CALN1: variants seen among roughly 807,000 people sequenced by gnomAD.
CALN1 encodes calneuron 1, also known as calcium-binding protein 8.
CALN1 carries 17 observed loss-of-function variants against 30.6 expected under a neutral mutation model. The observed-to-expected ratio is 0.56, with a 90% CI of 0.38 to 0.83. The LOEUF (loss-of-function observed/expected upper bound fraction) is 0.83. Among genes scored for constraint, CALN1 ranks in the 40% least tolerant of loss-of-function variants. The pLI, the probability that CALN1 is intolerant of heterozygous loss-of-function variation, is 0.00. For missense variants in CALN1, 291 were observed against 354.9 expected, an observed-to-expected ratio of 0.82 and a Z score of 1.45; for synonymous variants, 156 against 131.4, an observed-to-expected ratio of 1.19 and a Z score of -1.28.
intron 4 of CALN1, among the ~76,000 whole-genome samples, chr7:72,096,638 G>A (rs1159649823): frequency 6.6e-6 from 1 of 152,186 alleles, no homozygotes; most frequent in African/African-American, 2.4e-5. Flanking sequence ...CATTTGCAAA[G>A]CTAGCTGGAT....
At chr7:72,411,965 A>G (rs929993000) in intron 1 of CALN1, 93 bp downstream of exon 1, 1 of 152,224 alleles carries the variant, frequency 6.6e-6, no homozygotes, top group African/African-American at 2.4e-5. Context: ...ACTTGTCTCC[A>G]GACTATGAAA....
chr7:71,907,371 G>A (rs1794197235), intron 5 of CALN1, among the ~76,000 whole-genome samples: 1 of 152,192 alleles, frequency 6.6e-6, no homozygotes, highest in East Asian at 1.9e-4. Flanking sequence ...CAAACCAGAA[G>A]GACAAATTGG....
intron 2 of CALN1, among the ~76,000 whole-genome samples, chr7:72,357,156 T>G (rs1803283349): frequency 6.6e-6 from 1 of 151,992 alleles, no homozygotes. Context: ...CAAGGAATAC[T>G]TGCCAGATAG....
intron 5 of CALN1, among the ~76,000 whole-genome samples, chr7:71,985,764 A>G (rs1255444285): frequency 6.6e-6 from 1 of 151,044 alleles, no homozygotes; most frequent in East Asian, 2.0e-4. Flanking sequence ...TAATTTTTGT[A>G]TTTTTGATAG....
At chr7:72,295,229 G>A (rs1046655801) in intron 2 of CALN1, among the ~76,000 whole-genome samples, 1 of 151,960 alleles carries the variant, frequency 6.6e-6, no homozygotes, top group African/African-American at 2.4e-5. Context: ...TATTTCCTAG[G>A]TCAATGTTTA....
intron 5 of CALN1, among the ~76,000 whole-genome samples, chr7:71,857,962 T>A (rs1424780688): frequency 1.3e-5 from 2 of 152,178 alleles, no homozygotes; most frequent in African/African-American, 4.8e-5. Context: ...TCCTGGCACT[T>A]AAGAAATCAG....
At chr7:72,461,841 C>A in the CALN1 span, among the ~76,000 whole-genome samples, 2 of 152,074 alleles carry the variant, frequency 1.3e-5, no homozygotes, top group East Asian at 1.9e-4. Flanking sequence ...AACCCCGTTT[C>A]TACTAAAAAT....
At chr7:71,888,891 CA>C (rs1793074937) in intron 5 of CALN1, among the ~76,000 whole-genome samples, 1 of 152,130 alleles carries the variant, frequency 6.6e-6, no homozygotes, top group Admixed American at 6.5e-5. Context: ...GCAAATGAGG[CA>C]AAAGAATGAA....
In CALN1 at chr7:72,016,438, T is replaced by C. The variant is rs76888864; in HGVS notation, c.501+7219A>G. Among the ~76,000 whole-genome samples, 188 of 151,752 alleles carry C rather than the reference T, an allele frequency of 1.2e-3. 3 individuals carry two copies. In the East Asian group the frequency reaches 0.032, roughly 26 times the overall value. ...TCAAGAATTTTATTTATTTTATTAT[T>C]ATTATTATTATTTTTTGAGACAGAA... On this transcript the variant is annotated intron_variant, in intron 5 of 6. Transcript: ENST00000395275.
chr7:72,154,290 A>G (rs1265283084), intron 3 of CALN1, among the ~76,000 whole-genome samples: 3 of 152,040 alleles, frequency 2.0e-5, no homozygotes, highest in African/African-American at 7.2e-5. Context: ...GTCATGCAAA[A>G]TGCCTTGGCC....
intron 5 of CALN1, among the ~76,000 whole-genome samples, chr7:71,859,214 C>T (rs926743563): frequency 1.3e-5 from 2 of 152,106 alleles, no homozygotes; most frequent in Middle Eastern, 3.4e-3. Flanking sequence ...AGGCATGTAC[C>T]ACCACATCTG....
At chr7:72,100,356 T>A (rs1806562537) in intron 4 of CALN1, among the ~76,000 whole-genome samples, 1 of 152,080 alleles carries the variant, frequency 6.6e-6, no homozygotes, top group East Asian at 1.9e-4. Context: ...TAATTTTTTC[T>A]GTTTTTGCAG....
chr7:72,178,930 G>C (rs1040346263), intron 3 of CALN1, among the ~76,000 whole-genome samples: 1 of 152,112 alleles, frequency 6.6e-6, no homozygotes, highest in African/African-American at 2.4e-5. Flanking sequence ...TTCAATATTT[G>C]TGGTCTTTAG....
chr7:71,975,489 C>A (rs1487411502), intron 5 of CALN1, among the ~76,000 whole-genome samples: 3 of 152,068 alleles, frequency 2.0e-5, no homozygotes, highest in African/African-American at 7.2e-5. Flanking sequence ...TGCAGCAGTG[C>A]AATCATAGCT....
At chr7:71,893,347 G>A (rs1026913925) in intron 5 of CALN1, among the ~76,000 whole-genome samples, 1 of 152,154 alleles carries the variant, frequency 6.6e-6, no homozygotes, top group African/African-American at 2.4e-5. Flanking sequence ...ATGATGCTGA[G>A]GTGGAGAAAC....
intron 1 of CALN1, among the ~76,000 whole-genome samples, chr7:72,442,563 G>T (rs1808383241): frequency 6.6e-6 from 1 of 152,044 alleles, no homozygotes; most frequent in East Asian, 1.9e-4. Flanking sequence ...TTTATTAAGG[G>T]TTGCGCTTAT....
At chr7:71,959,186 A>G (rs6460701) in intron 5 of CALN1, among the ~76,000 whole-genome samples, 112,207 of 152,060 alleles carry the variant, frequency 0.74, 42,159 homozygotes, top group African/African-American at 0.78. Context: ...GGCAGTGATG[A>G]GTCAGGTCTC....
At chr7:72,271,576 ATAT>A (rs1332644580) in intron 3 of CALN1, among the ~76,000 whole-genome samples, 4 of 51,748 alleles carry the variant, frequency 7.7e-5, no homozygotes, top group African/African-American at 2.6e-4. Flanking sequence ...AAAAAAAAAA[ATAT>A]ATATATATAT....
chr7:72,043,245 C>G (rs1802242586), intron 4 of CALN1, among the ~76,000 whole-genome samples: 1 of 152,176 alleles, frequency 6.6e-6, no homozygotes. Context: ...AGTTCCTGAA[C>G]TACCTTATCC....
Sources: allele counts gnomAD v4.1 joint callset (sites outside exome capture counted in the v4.1 genomes callset), GRCh38; gene constraint gnomAD v4.1.1; transcripts MANE v1.5; gene names NCBI Gene and HGNC (gene_info 2026-07-23, HGNC 2026-07-21).